ACOT11: variants seen among roughly 807,000 people sequenced by gnomAD.
The protein encoded by ACOT11 is acyl-CoA thioesterase 11, also known as acyl-coenzyme A thioesterase 11.
ACOT11 carries 69 observed loss-of-function variants against 77.5 expected under a neutral mutation model. The ratio of observed to expected loss-of-function variants is 0.89; its 90% CI spans 0.73 to 1.09. ACOT11 has a LOEUF of 1.09. Among genes scored for constraint, ACOT11 ranks in the 50% least tolerant of loss-of-function variants. The pLI is 0.00. For missense variants in ACOT11, 766 were observed against 813.7 expected (o/e 0.94, Z 0.71); for synonymous variants, 279 against 313.0 (o/e 0.89, Z 1.15).
intron 1 of ACOT11, among the ~76,000 whole-genome samples, chr1:54,575,974 A>G (rs1654100275): frequency 6.6e-6 from 1 of 152,234 alleles, no homozygotes; most frequent in African/African-American, 2.4e-5. Flanking sequence ...AATGCACCAA[A>G]ACAGCAGGAA....
intron 1 of ACOT11, among the ~76,000 whole-genome samples, chr1:54,550,012 T>C: frequency 6.6e-6 from 1 of 152,248 alleles, no homozygotes; most frequent in East Asian, 1.9e-4. Flanking sequence ...TCTTTGCATT[T>C]ATGAACTCAT....
At chr1:54,629,192 G>A (rs1373311868) in intron 15 of ACOT11, among the ~76,000 whole-genome samples, 2 of 134,350 alleles carry the variant, frequency 1.5e-5, no homozygotes, top group Admixed American at 1.5e-4. Flanking sequence ...AAGGCACCAT[G>A]GGTGAAAACC....
In ACOT11 at chr1:54,609,386, T is replaced by C. The variant is rs760141909; in HGVS notation, c.*274T>C. On this transcript the variant is annotated 3_prime_UTR_variant, in exon 16 of 16. Coordinates refer to ENST00000343744, the MANE Select transcript of ACOT11 (RefSeq NM_147161.4). Reference sequence around the variant, plus strand: ...CAATGCTGTCCTCACAGAGGCATAGTCGCCCCCAGCTGGGTTGTGCTCCAC... The same window carrying C: ...CAATGCTGTCCTCACAGAGGCATAGCCGCCCCCAGCTGGGTTGTGCTCCAC... The C allele has an allele frequency of 1.2e-6, 2 of 1,614,140 alleles. No individual in the cohort carries two copies. Among genetic ancestry groups the C allele is most frequent in the Non-Finnish European group, 1.7e-6 (2 of 1,180,026 alleles).
intron 16 of ACOT11, chr1:54,634,616 A>C (rs949534187): frequency 1.4e-4 from 100 of 694,218 alleles, no homozygotes; most frequent in Admixed American, 1.2e-4. Flanking sequence ...TGGTGAAGAG[A>C]TCCAATAACA....
At chr1:54,548,377 T>A in intron 1 of ACOT11, 35 bp downstream of exon 1, 1 of 1,590,094 alleles carries the variant, frequency 6.3e-7, no homozygotes, top group African/African-American at 1.3e-5. Context: ...GGGAGGGCTC[T>A]GGAAGCTGGG....
At chr1:54,588,829 T>C (rs559295986) in intron 3 of ACOT11, among the ~76,000 whole-genome samples, 2 of 151,946 alleles carry the variant, frequency 1.3e-5, no homozygotes, top group South Asian at 2.1e-4. Flanking sequence ...GAGGAGGCTG[T>C]GGTTGGAAGG....
intron 8 of ACOT11, among the ~76,000 whole-genome samples, chr1:54,599,952 C>G (rs1569749124): frequency 6.6e-6 from 1 of 152,146 alleles, no homozygotes. Context: ...GCCAGGCTGC[C>G]GGATTCGAGT....
chr1:54,623,158 C>T, intron 15 of ACOT11: 1 of 678,484 alleles, frequency 1.5e-6, no homozygotes. Flanking sequence ...GCCTGGGCAA[C>T]AAGAGCAAAA....
rs187791458 is a variant in ACOT11 at position 54,557,293 on chromosome 1, G to A, written c.33+8951G>A. On this transcript the variant is annotated intron_variant, in intron 1 of 15. Coordinates refer to ENST00000343744, the MANE Select transcript of ACOT11 (RefSeq NM_147161.4). ...TGTAATCCCAGCTACTGAGGAGGCT[G>A]AGGCAGGAGAATTGCTTGAACCCGG... 2.1e-3 allele frequency among the ~76,000 whole-genome samples: 315 copies of A among 149,174 alleles called. 18 individuals carry two copies. The South Asian group carries it at 0.068, about 32-fold the overall frequency.
intron 15 of ACOT11, among the ~76,000 whole-genome samples, chr1:54,626,187 T>C (rs1644271633): frequency 6.6e-6 from 1 of 151,776 alleles, no homozygotes; most frequent in Admixed American, 6.6e-5. Context: ...GGAGAATCGC[T>C]TGAACTTGGG....
rs1644095077 is a variant in ACOT11 at position 54,609,879 on chromosome 1, GCACGGGGTTTTCAGC to G, written c.*771_*785del. The G allele has an allele frequency of 6.2e-7, 1 of 1,613,226 alleles. No individual in the cohort carries two copies. Among genetic ancestry groups the G allele is most frequent in the South Asian group, 1.1e-5 (1 of 91,090 alleles). ...TTGCCACTTGGAGTATGAACAATGG[GCACGGGGTTTTCAGC>G]CACAGTTCCCTCGAGGCCAGTGTTC... On this transcript the variant is annotated 3_prime_UTR_variant, in exon 16 of 16. Transcript: ENST00000343744.
Position 54,616,198 on chromosome 1 carries a change from A to C in ACOT11, c.1629+8130A>C, listed in dbSNP as rs374448819. On this transcript the variant is annotated intron_variant, in intron 15 of 16. Coordinates refer to the ACOT11 transcript ENST00000371316. ...CTGTGGAAGGGGCAACAACTCAGTGAGTTCCTTTTTTTAAAAAAAGAAAAC... is the reference window on the plus strand; with the variant it reads ...CTGTGGAAGGGGCAACAACTCAGTGCGTTCCTTTTTTTAAAAAAAGAAAAC... The C allele has an allele frequency of 2.5e-6, 4 of 1,573,596 alleles. No homozygotes were observed. The African/African-American group carries it at 5.5e-5, about 22-fold the overall frequency.
At chr1:54,630,842 A>C (rs1557678702) in exon 16 of ACOT11, 1 of 766,380 alleles carries the variant, frequency 1.3e-6, no homozygotes, top group Non-Finnish European at 2.4e-6. Context: ...TTGGAATGGA[A>C]AACTAGCTGG....
At chr1:54,570,566 A>G (rs1167660473) in intron 1 of ACOT11, among the ~76,000 whole-genome samples, 1 of 152,104 alleles carries the variant, frequency 6.6e-6, no homozygotes, top group African/African-American at 2.4e-5. Context: ...AGGCTGGACT[A>G]CAGTGGAGTG....
Position 54,601,408 on chromosome 1 carries a change from C to T in ACOT11, c.1024C>T (p.Pro342Ser). 2.5e-6 allele frequency: 4 copies of T among 1,611,992 alleles called. No individual in the cohort carries two copies. The highest frequency in any genetic ancestry group is 3.4e-6 in the Non-Finnish European group (4 of 1,179,806). ...GTTGCTGCCCTGGATTCGGCCCCAG[C>T]CCGGCGTAAGTGGGACCAGCGCCCT... ...PQLLPWIRPQ[P>S]GDGERRYREA... Residue 342 changes from proline (P) to serine (S), a missense_variant, in exon 9 of 16, where the codon CCC becomes TCC. Transcript: ENST00000343744.
intron 13 of ACOT11, among the ~76,000 whole-genome samples, chr1:54,606,635 A>G (rs2101006216): frequency 6.6e-6 from 1 of 152,352 alleles, no homozygotes; most frequent in East Asian, 1.9e-4. Context: ...TAGGAATACT[A>G]AAAGCGTCTA....
At chr1:54,611,384 A>C (rs1644116459), downstream of ACOT11, among the ~76,000 whole-genome samples, 2 of 149,626 alleles carry the variant, frequency 1.3e-5, no homozygotes. Flanking sequence ...TGGGTGACAG[A>C]GTCAGACTAC....
intron 15 of ACOT11, among the ~76,000 whole-genome samples, chr1:54,618,971 T>C (rs1433277624): frequency 1.3e-5 from 2 of 152,212 alleles, no homozygotes; most frequent in Non-Finnish European, 2.9e-5. Flanking sequence ...TCTGGTATAT[T>C]TCTGTTGCTT....
chr1:54,592,148 T>A (rs1025223583), intron 3 of ACOT11, among the ~76,000 whole-genome samples: 1 of 152,188 alleles, frequency 6.6e-6, no homozygotes, highest in Admixed American at 6.5e-5. Flanking sequence ...GAGGTCACTC[T>A]GCCAGGAGAG....
Sources: gnomAD v4.1 joint callset for allele counts (sites outside exome capture counted in the v4.1 genomes callset) on GRCh38, gnomAD v4.1.1 for gene constraint, MANE v1.5 for transcripts, NCBI Gene and HGNC (gene_info 2026-07-23, HGNC 2026-07-21) for gene names.